CNTNAP2: variants seen among roughly 807,000 people sequenced by gnomAD.
CNTNAP2 encodes the protein contactin-associated protein-like 2.
In CNTNAP2, 98 loss-of-function variants were observed where a neutral mutation model predicts 155.2. That is an observed-to-expected ratio of 0.63 (90% CI 0.54 to 0.75). CNTNAP2 has a LOEUF of 0.75. CNTNAP2 is among the 30% of genes least tolerant of loss of function. CNTNAP2 has a pLI of 0.00. For synonymous variants in CNTNAP2, 651 were observed against 631.2 expected (o/e 1.03, Z -0.47); for missense variants, 1,727 against 1,688.1 (o/e 1.02, Z -0.40).
intron 11 of CNTNAP2, among the ~76,000 whole-genome samples, chr7:147,514,747 C>A (rs1799087475): frequency 6.6e-6 from 1 of 152,064 alleles, no homozygotes; most frequent in African/African-American, 2.4e-5. Flanking sequence ...AGGCCAAAAC[C>A]CATCCTGGCT....
intron 12 of CNTNAP2, among the ~76,000 whole-genome samples, chr7:147,625,052 A>G (rs926148861): frequency 1.2e-4 from 19 of 152,184 alleles, no homozygotes; most frequent in African/African-American, 4.1e-4. Flanking sequence ...GGATCCAAAA[A>G]TCAAAACAAT....
chr7:147,428,959 A>G (rs1378828457), intron 10 of CNTNAP2, among the ~76,000 whole-genome samples: 1 of 152,090 alleles, frequency 6.6e-6, no homozygotes, highest in Non-Finnish European at 1.5e-5. Flanking sequence ...TCCAAAGCCC[A>G]TTATAATATT....
chr7:146,638,614 A>C (rs1799649077), intron 1 of CNTNAP2, among the ~76,000 whole-genome samples: 1 of 149,512 alleles, frequency 6.7e-6, no homozygotes, highest in African/African-American at 2.5e-5. Context: ...CCTCCCGAGT[A>C]GCTGGGACTA....
Position 148,415,742 on chromosome 7 carries a change from G to GGCAATGGAATATAATGGAATATTCT in CNTNAP2, c.*127_*151dup. 9.5e-7 allele frequency: 1 copy of GGCAATGGAATATAATGGAATATTCT among 1,050,650 alleles called. No individual in the cohort carries two copies. Among genetic ancestry groups the GGCAATGGAATATAATGGAATATTCT allele is most frequent in the Non-Finnish European group, 1.4e-6 (1 of 698,068 alleles). 65.1% of individuals were successfully genotyped at this position (1,050,650 alleles called of 1,614,324 possible). ...ATATCAGCACAAGTTGGGGGAGGCA[G>GGCAATGGAATATAATGGAATATTCT]GCAATGGAATATAATGGAATATTCT... is the stretch of plus-strand genomic sequence containing the variant. On this transcript the variant is annotated 3_prime_UTR_variant, in exon 24 of 24. Transcript: ENST00000361727.
chr7:147,833,237 G>T (rs2116639125), intron 13 of CNTNAP2, among the ~76,000 whole-genome samples: 1 of 151,704 alleles, frequency 6.6e-6, no homozygotes, highest in Non-Finnish European at 1.5e-5. Context: ...AATCTACAGA[G>T]GCATGAAACA....
intron 23 of CNTNAP2, among the ~76,000 whole-genome samples, chr7:148,413,429 T>TGTATA (rs1799898491): frequency 1.9e-5 from 2 of 102,922 alleles, no homozygotes; most frequent in African/African-American, 3.9e-5. Context: ...TATATATATA[T>TGTATA]ATATATATAT....
intron 13 of CNTNAP2, among the ~76,000 whole-genome samples, chr7:147,776,928 A>T (rs972344844): frequency 2.0e-5 from 3 of 150,662 alleles, no homozygotes; most frequent in Admixed American, 6.6e-5. Context: ...TTATTTTTGT[A>T]GTATATTTTA....
chr7:148,157,522 T>C (rs1195680231), intron 17 of CNTNAP2, among the ~76,000 whole-genome samples: 1 of 141,326 alleles, frequency 7.1e-6, no homozygotes, highest in African/African-American at 2.7e-5. Flanking sequence ...GAAATATCTT[T>C]TTACTGGGAA....
chr7:147,874,769 A>G (rs1428136605), intron 13 of CNTNAP2, among the ~76,000 whole-genome samples: 1 of 151,974 alleles, frequency 6.6e-6, no homozygotes, highest in Non-Finnish European at 1.5e-5. Flanking sequence ...CAGGCTGCAA[A>G]TTTTCCAAAC....
At chr7:146,629,917 T>A (rs1253738373) in intron 1 of CNTNAP2, among the ~76,000 whole-genome samples, 1 of 152,060 alleles carries the variant, frequency 6.6e-6, no homozygotes, top group Non-Finnish European at 1.5e-5. Context: ...TATTTTAGGA[T>A]GGGGTATACA....
intron 19 of CNTNAP2, among the ~76,000 whole-genome samples, chr7:148,220,511 A>G (rs1373320932): frequency 6.6e-6 from 1 of 152,222 alleles, no homozygotes; most frequent in Non-Finnish European, 1.5e-5. Flanking sequence ...TTATGTATCT[A>G]TTAAAATATT....
Position 147,775,281 on chromosome 7 carries a change from ATAAATATATATATT to A in CNTNAP2, c.2099-128281_2099-128268del, listed in dbSNP as rs1271083540. The stretch of plus-strand genomic sequence containing the variant: ...TATAAATATATTTATATATATATTT[ATAAATATATATATT>A]TATATATATTTATAAATATATATAT... On this transcript the variant is annotated intron_variant, in intron 13 of 23. Coordinates refer to ENST00000361727, the MANE Select transcript of CNTNAP2 (RefSeq NM_014141.6). 6.9e-3 allele frequency among the ~76,000 whole-genome samples: 663 copies of A among 95,650 alleles called. 36 individuals carry two copies. Among genetic ancestry groups the A allele is most frequent in the African/African-American group, 0.025 (524 of 20,678 alleles). 62.8% of individuals were successfully genotyped at this position (95,650 alleles called of 152,430 possible).
intron 12 of CNTNAP2, among the ~76,000 whole-genome samples, chr7:147,599,556 G>C (rs963556408): frequency 6.6e-6 from 1 of 151,730 alleles, no homozygotes; most frequent in Non-Finnish European, 1.5e-5. Context: ...TCATAGTTCT[G>C]GGGAGCCAGA....
chr7:146,232,731 C>A (rs1454811955), intron 1 of CNTNAP2, among the ~76,000 whole-genome samples: 1 of 152,150 alleles, frequency 6.6e-6, no homozygotes. Flanking sequence ...ACTTACTCTG[C>A]ACTTATTATG....
intron 3 of CNTNAP2, among the ~76,000 whole-genome samples, chr7:146,901,691 T>G (rs2129213745): frequency 6.6e-6 from 1 of 152,198 alleles, no homozygotes; most frequent in African/African-American, 2.4e-5. Context: ...GGATTGGATA[T>G]CAAAAACTAA....
intron 11 of CNTNAP2, among the ~76,000 whole-genome samples, chr7:147,534,088 G>T (rs1799499364): frequency 6.6e-6 from 1 of 152,132 alleles, no homozygotes; most frequent in Admixed American, 6.5e-5. Context: ...ACCTGATTTT[G>T]GGGCATTGTG....
In CNTNAP2 at chr7:147,028,959, C is replaced by CTTTTT. The variant is rs397889433; in HGVS notation, c.403-14930_403-14926dup. Among the ~76,000 whole-genome samples the CTTTTT allele has an allele frequency of 1.4e-3, 147 of 103,738 alleles. 7 individuals carry two copies. Among genetic ancestry groups the CTTTTT allele is most frequent in the African/African-American group, 5.6e-3 (134 of 23,966 alleles). The allele number at this position is 103,738 out of a possible 152,430, so 68.1% of individuals were successfully genotyped here. A position where few individuals can be genotyped will look rare whatever the true frequency, so the allele number is the denominator to read the frequency against. ...AGACATATGCAAAATAAGATATGTTCTTTTTTTTTTTTTTTTTTTTTTGAG... is the reference window on the plus strand; with the variant it reads ...AGACATATGCAAAATAAGATATGTTCTTTTTTTTTTTTTTTTTTTTTTTTTTTGAG... On this transcript the variant is annotated intron_variant, in intron 3 of 23. Transcript: ENST00000361727.
chr7:147,536,736 C>G (rs184877178), intron 11 of CNTNAP2, among the ~76,000 whole-genome samples: 3 of 152,184 alleles, frequency 2.0e-5, no homozygotes, highest in Admixed American at 6.5e-5. Flanking sequence ...GTACCTCCCT[C>G]TCTGCCATCA....
intron 1 of CNTNAP2, among the ~76,000 whole-genome samples, chr7:146,355,303 A>G (rs1351045596): frequency 6.6e-6 from 1 of 152,202 alleles, no homozygotes; most frequent in Non-Finnish European, 1.5e-5. Flanking sequence ...TTTATGTCTA[A>G]TTAGCTGACC....
Sources: allele counts gnomAD v4.1 joint callset (sites outside exome capture counted in the v4.1 genomes callset), GRCh38; gene constraint gnomAD v4.1.1; transcripts MANE v1.5; gene names NCBI Gene and HGNC (gene_info 2026-07-23, HGNC 2026-07-21).